DIPK1B: variants seen among roughly 807,000 people sequenced by gnomAD.
DIPK1B encodes the protein family with sequence similarity 69 member B.
DIPK1B carries 17 observed loss-of-function variants against 20.7 expected under a neutral mutation model. The observed-to-expected ratio is 0.82, with a 90% confidence interval of 0.56 to 1.23. The LOEUF is 1.23. DIPK1B is among the 50% of genes most tolerant of loss of function. The probability of loss-of-function intolerance (pLI) is 0.00; values close to 1 mark genes in which losing one functional copy is unlikely to be tolerated. For missense variants in DIPK1B, 648 were observed against 601.8 expected (o/e 1.08, Z -0.80); for synonymous variants, 343 against 276.5 (o/e 1.24, Z -2.39).
intron 2 of DIPK1B, among the ~76,000 whole-genome samples, chr9:136,718,739 C>T (rs1846542215): frequency 6.6e-6 from 1 of 152,184 alleles, no homozygotes; most frequent in Non-Finnish European, 1.5e-5. Context: ...TCTCCTCCGT[C>T]AGATGGGGAG....
intron 2 of DIPK1B, among the ~76,000 whole-genome samples, chr9:136,720,548 C>T (rs4880133): frequency 0.58 from 87,645 of 152,002 alleles, 25,880 homozygotes; most frequent in East Asian, 0.73. Flanking sequence ...GCTGCCAGGC[C>T]CCTGGAGCTA....
intron 4 of DIPK1B, 70 bp downstream of exon 4, chr9:136,722,371 G>A (rs948975425): frequency 6.6e-6 from 10 of 1,507,708 alleles, no homozygotes; most frequent in Admixed American, 2.0e-5. Context: ...GGCGGCCCTG[G>A]CACCAACATG....
rs1008478487 is a variant in DIPK1B at position 136,723,903 on chromosome 9, G to A, written c.*129G>A. On this transcript the variant is annotated 3_prime_UTR_variant, in exon 5 of 5. Transcript: ENST00000371692. Reference sequence around the variant, plus strand: ...TGCAAAATCACTCCCCTACCGTCAGGGCTCTGGATTCCAGCACCACAGACA... The same window carrying A: ...TGCAAAATCACTCCCCTACCGTCAGAGCTCTGGATTCCAGCACCACAGACA... 3.1e-6 allele frequency: 3 copies of A among 981,424 alleles called. No individual in the cohort carries two copies. The East Asian group carries it at 7.9e-5, about 26-fold the overall frequency. The allele number at this position is 981,424 out of a possible 1,614,324, so 60.8% of individuals were successfully genotyped here. A position where few individuals can be genotyped will look rare whatever the true frequency, so the allele number is the denominator to read the frequency against.
rs370074605 is a variant in DIPK1B, at chr9:136,723,420, C to T, written c.942C>T (p.Ala314=). 5.3e-5 allele frequency: 86 copies of T among 1,612,444 alleles called. No individual in the cohort carries two copies. In the African/African-American group the frequency reaches 5.7e-4, roughly 11 times the overall value. Residue 314 remains alanine, a synonymous_variant, in exon 5 of 5, where the codon GCC becomes GCT. Coordinates refer to ENST00000371692, the MANE Select transcript of DIPK1B (RefSeq NM_152421.4). The part of the protein sequence containing the change: ...GYTATYDFKM[A]DLQQVAPEAT... ...CAGCCACCTACGACTTCAAGATGGC[C>T]GACCTGCAGCAGGTGGCACCCGAGG...
intron 4 of DIPK1B, chr9:136,722,711 T>C: frequency 1.7e-6 from 1 of 587,234 alleles, no homozygotes; most frequent in South Asian, 2.2e-5. Flanking sequence ...ACCCCCGAGC[T>C]CCCCAGGTGC....
In DIPK1B at chr9:136,724,289, AC is replaced by A. The variant is rs1846668407; in HGVS notation, c.*521del. 6.6e-6 allele frequency among the ~76,000 whole-genome samples: 1 copy of A among 152,086 alleles called. No homozygotes were observed. Among genetic ancestry groups the A allele is most frequent in the South Asian group, 2.1e-4 (1 of 4,828 alleles). On this transcript the variant is annotated 3_prime_UTR_variant, in exon 5 of 5. Coordinates refer to ENST00000371692, the MANE Select transcript of DIPK1B (RefSeq NM_152421.4). ...GCTTCTGAAACAGTCAATGACCAGT[AC>A]CCCCCAAACCTGGGCTGTGCACAAC...
At position 136,724,112 on chromosome 9, in the gene DIPK1B, G is replaced by GA; in HGVS notation, c.*338_*339insA. On this transcript the variant is annotated 3_prime_UTR_variant, in exon 5 of 5. Coordinates refer to ENST00000371692, the MANE Select transcript of DIPK1B (RefSeq NM_152421.4). ...CTTCGCCCCGCTGTGGATCCACCCA[G>GA]CCCAGGCACTCAGGCTGGGGTTGAG... 6 of 306,528 alleles carry GA rather than the reference G, an allele frequency of 2.0e-5. No individual in the cohort carries two copies. Among genetic ancestry groups the GA allele is most frequent in the East Asian group, 9.9e-5 (1 of 10,086 alleles). 19.0% of individuals were successfully genotyped at this position (306,528 alleles called of 1,614,324 possible). A position where few individuals can be genotyped will look rare whatever the true frequency, so the allele number is the denominator to read the frequency against.
intron 2 of DIPK1B, 69 bp from the exon 3 acceptor site, chr9:136,721,852 T>G: frequency 3.5e-6 from 5 of 1,442,480 alleles, no homozygotes; most frequent in Non-Finnish European, 4.8e-6. Context: ...GCTTCGGGCC[T>G]GTGGGCAGGG....
chr9:136,722,216 C>T lies in DIPK1B; in HGVS notation c.398C>T (p.Pro133Leu). The change falls in exon 4 of 5, where the codon CCC (proline) becomes CTC (leucine). Residue 133 changes from proline (P) to leucine (L), a missense_variant. Physicochemically the swap from Pro to Leu is moderately conservative, Grantham distance 98. Coordinates refer to ENST00000371692, the MANE Select transcript of DIPK1B (RefSeq NM_152421.4). ...TCCAAGGCCCGGTCGGATGCGGCCCCCCGGCGGGAGCTGGTACTGTTTGAC... is the reference window on the plus strand; with the variant it reads ...TCCAAGGCCCGGTCGGATGCGGCCCTCCGGCGGGAGCTGGTACTGTTTGAC... Reference protein sequence around the residue: ...LDSKARSDAAPRRELVLFDKP... With the variant: ...LDSKARSDAALRRELVLFDKP... The T allele has an allele frequency of 6.2e-7, 1 of 1,614,000 alleles. No individual in the cohort carries two copies. The highest frequency in any genetic ancestry group is 1.3e-5 in the African/African-American group (1 of 75,038).
intron 2 of DIPK1B, among the ~76,000 whole-genome samples, chr9:136,720,582 C>T (rs1846583319): frequency 6.6e-6 from 1 of 152,184 alleles, no homozygotes; most frequent in African/African-American, 2.4e-5. Flanking sequence ...GGAGGGGCGG[C>T]AGCCAGCCCC....
chr9:136,718,997 G>C (rs1191256932), intron 2 of DIPK1B, among the ~76,000 whole-genome samples: 3 of 152,120 alleles, frequency 2.0e-5, no homozygotes, highest in Admixed American at 6.5e-5. Context: ...AAGTCCAGGG[G>C]GCCTCTGAGC....
Position 136,719,971 on chromosome 9 carries a change from G to A in DIPK1B, c.199-1950G>A, listed in dbSNP as rs1250128569. ...AGGGGGCTGTGTGGGCTGGGGCTCC[G>A]GGTGCAGGGGCTGGTCTGGGGCTCT... On this transcript the variant is annotated intron_variant, in intron 2 of 4. Coordinates refer to ENST00000371692, the MANE Select transcript of DIPK1B (RefSeq NM_152421.4). Among the ~76,000 whole-genome samples the A allele has an allele frequency of 3.5e-5, 4 of 114,400 alleles. No individual in the cohort carries two copies. In the East Asian group the frequency reaches 8.8e-4, roughly 25 times the overall value. The allele number at this position is 114,400 out of a possible 152,430, so 75.1% of individuals were successfully genotyped here.
At chr9:136,717,810 G>A (rs1220883256) in intron 2 of DIPK1B, 99 bp downstream of exon 2, 2 of 1,543,856 alleles carry the variant, frequency 1.3e-6, no homozygotes, top group East Asian at 2.3e-5. Flanking sequence ...CCCAGACCCA[G>A]GGCCCACGAG....
Position 136,723,620 on chromosome 9 carries a change from C to A in DIPK1B, c.1142C>A (p.Ala381Glu). The change falls in exon 5 of 5, where the codon GCG (alanine) becomes GAG (glutamate). Residue 381 changes from alanine to glutamate, a missense_variant. Coordinates refer to ENST00000371692, the MANE Select transcript of DIPK1B (RefSeq NM_152421.4). ...CTACGGGGCTACCTGCTGCCTGGCG[C>A]GCCCGCCGACCTCCGCGAGGAGCTG... ...ALLRGYLLPGAPADLREELGT... is the reference protein window; with the variant it reads ...ALLRGYLLPGEPADLREELGT... The A allele has an allele frequency of 4.4e-6, 7 of 1,578,968 alleles. No individual in the cohort carries two copies. The highest frequency in any genetic ancestry group is 6.0e-6 in the Non-Finnish European group (7 of 1,164,890).
At position 136,722,210 on chromosome 9, in the gene DIPK1B, C is replaced by T. The variant is rs373919294; in HGVS notation, c.392C>T (p.Ala131Val). 161 of 1,613,950 alleles carry T rather than the reference C, an allele frequency of 1.0e-4. No homozygotes were observed. Among genetic ancestry groups the T allele is most frequent in the South Asian group, 2.7e-4 (25 of 91,076 alleles). Residue 131 changes from alanine (A) to valine (V), a missense_variant, in exon 4 of 5, where the codon GCG (alanine) becomes GTG (valine). Transcript: ENST00000371692. ...ETLDSKARSDAAPRRELVLFD... is the reference protein window; with the variant it reads ...ETLDSKARSDVAPRRELVLFD... ...CTCGACTCCAAGGCCCGGTCGGATG[C>T]GGCCCCCCGGCGGGAGCTGGTACTG...
chr9:136,720,172 G>A (rs1041387944), intron 2 of DIPK1B, among the ~76,000 whole-genome samples: 2 of 152,136 alleles, frequency 1.3e-5, no homozygotes, highest in African/African-American at 2.4e-5. Flanking sequence ...GGGCCTGCCT[G>A]CAAGGTGGAG....
Position 136,723,572 on chromosome 9 carries a change from A to T in DIPK1B, c.1094A>T (p.Asn365Ile), listed in dbSNP as rs547005566. The T allele has an allele frequency of 6.3e-7, 1 of 1,597,800 alleles. No individual in the cohort carries two copies. The highest frequency in any genetic ancestry group is 1.3e-5 in the African/African-American group (1 of 74,756). Reference sequence around the variant, plus strand: ...TGCAAGGGCGACCTCATCCAGCCCAACCTGGCCAAGGTGTGCGCACTGCTA... The same window carrying T: ...TGCAAGGGCGACCTCATCCAGCCCATCCTGGCCAAGGTGTGCGCACTGCTA... ...RQCKGDLIQP[N>I]LAKVCALLRG... The change falls in exon 5 of 5, where the codon AAC becomes ATC. Residue 365 changes from asparagine (N) to isoleucine (I), a missense_variant. Physicochemically the swap from Asn to Ile is moderately radical, Grantham distance 149. Transcript: ENST00000371692.
chr9:136,722,872 C>T, intron 4 of DIPK1B, 90 bp from the exon 5 acceptor site: 1 of 1,365,436 alleles, frequency 7.3e-7, no homozygotes, highest in South Asian at 1.4e-5. Context: ...GCCGGCAGAC[C>T]ACCCCGCCAG....
rs866178776 is a variant in DIPK1B, at chr9:136,723,185, A to G, written c.707A>G (p.His236Arg). The change falls in exon 5 of 5, where the codon CAT becomes CGT. Residue 236 changes from histidine (H) to arginine (R), a missense_variant. Transcript: ENST00000371692. ...GDLYLTEGVP[H>R]GAWHAAALPP... ...CTCTACCTCACCGAGGGCGTGCCGC[A>G]TGGCGCCTGGCACGCGGCCGCCCTT... The G allele has an allele frequency of 1.9e-5, 30 of 1,612,682 alleles. 2 individuals carry two copies. In the Middle Eastern group the frequency reaches 4.1e-3, roughly 221 times the overall value.
Sources: allele counts gnomAD v4.1 joint callset (sites outside exome capture counted in the v4.1 genomes callset), GRCh38; gene constraint gnomAD v4.1.1; transcripts MANE v1.5; gene names NCBI Gene and HGNC (gene_info 2026-07-23, HGNC 2026-07-21).